Variants in OR14I1 observed in about 807,000 individuals in gnomAD.
The protein encoded by OR14I1 is olfactory receptor family 14 subfamily I member 1, also known as olfactory receptor 14I1.
For missense variants in OR14I1, 279 were observed against 181.8 expected, an observed-to-expected ratio of 1.53 and a Z score of -3.07; for synonymous variants, 118 against 71.1, an observed-to-expected ratio of 1.66 and a Z score of -3.32.
At chr1:248,698,086 A>G in the OR14I1 span, among the ~76,000 whole-genome samples, 1 of 152,184 alleles carries the variant, frequency 6.6e-6, no homozygotes, top group South Asian at 2.1e-4. Flanking sequence ...TTACCTGCTC[A>G]CTTCCTCCTG....
At chr1:248,683,845 C>G (rs1661601524), upstream of OR14I1, among the ~76,000 whole-genome samples, 1 of 152,146 alleles carries the variant, frequency 6.6e-6, no homozygotes, top group African/African-American at 2.4e-5. Context: ...ACCAGCCTGA[C>G]CAACATGCTG....
At chr1:248,700,581 T>C in the OR14I1 span, among the ~76,000 whole-genome samples, 2 of 152,222 alleles carry the variant, frequency 1.3e-5, no homozygotes, top group African/African-American at 4.8e-5. Context: ...CAACTAAATG[T>C]GATTATATTT....
chr1:248,689,224 A>C, the OR14I1 span, among the ~76,000 whole-genome samples: 1 of 152,164 alleles, frequency 6.6e-6, no homozygotes, highest in African/African-American at 2.4e-5. Context: ...GGCCTTTGTA[A>C]CTTAAAATTA....
the OR14I1 span, among the ~76,000 whole-genome samples, chr1:248,701,672 T>C: frequency 1.2e-4 from 18 of 152,280 alleles, no homozygotes; most frequent in Admixed American, 2.0e-4. Context: ...TTGAAATTGA[T>C]ACGAAGTGAT....
At chr1:248,687,539 A>C in the OR14I1 span, among the ~76,000 whole-genome samples, 104 of 152,326 alleles carry the variant, frequency 6.8e-4, 1 homozygote, top group Non-Finnish European at 1.1e-3. Context: ...TCTGGCAGAA[A>C]TTTAGGAGAT....
downstream of OR14I1, among the ~76,000 whole-genome samples, chr1:248,680,015 T>C (rs1387161055): frequency 6.6e-6 from 1 of 152,228 alleles, no homozygotes; most frequent in Non-Finnish European, 1.5e-5. Context: ...AAAAAACACA[T>C]ATTAAGCATT....
downstream of OR14I1, among the ~76,000 whole-genome samples, chr1:248,680,954 C>G: frequency 8.4e-6 from 1 of 119,752 alleles, no homozygotes; most frequent in Non-Finnish European, 1.8e-5. Context: ...AAATCAGGTA[C>G]TAAAACTGTG....
downstream of OR14I1, among the ~76,000 whole-genome samples, chr1:248,679,610 T>C (rs1001440965): frequency 3.9e-5 from 6 of 152,176 alleles, no homozygotes; most frequent in African/African-American, 1.4e-4. Context: ...GTCCTTGACC[T>C]CAAGAACCCT....
the OR14I1 span, chr1:248,691,684 G>A: frequency 6.6e-6 from 1 of 152,488 alleles, no homozygotes; most frequent in Non-Finnish European, 1.5e-5. Flanking sequence ...GGCGGGAAGA[G>A]CGGGAAGTGA....
chr1:248,690,394 G>T, the OR14I1 span, among the ~76,000 whole-genome samples: 3,164 of 151,986 alleles, frequency 0.021, 121 homozygotes, highest in African/African-American at 0.071. Flanking sequence ...TGGTAAAGGG[G>T]ATATCACCAC....
chr1:248,681,823 A>G, exon 1 of OR14I1: 2 of 781,072 alleles, frequency 2.6e-6, no homozygotes, highest in Non-Finnish European at 4.8e-6. Flanking sequence ...CTCCCGAAAC[A>G]TGTTGCCAGT....
At chr1:248,697,844 G>A in the OR14I1 span, among the ~76,000 whole-genome samples, 1 of 152,160 alleles carries the variant, frequency 6.6e-6, no homozygotes, top group African/African-American at 2.4e-5. Context: ...TGTTGTTGTT[G>A]TTGAAATTTT....
chr1:248,691,269 C>T, the OR14I1 span, among the ~76,000 whole-genome samples: 1 of 152,170 alleles, frequency 6.6e-6, no homozygotes, highest in African/African-American at 2.4e-5. Context: ...AGGTACAGTG[C>T]TAAAGGCTGG....
At chr1:248,685,105 T>C (rs1172388751), upstream of OR14I1, among the ~76,000 whole-genome samples, 1 of 152,106 alleles carries the variant, frequency 6.6e-6, no homozygotes, top group Non-Finnish European at 1.5e-5. Context: ...TTAAATTGCT[T>C]GTAAAATTCA....
At chr1:248,691,033 G>A in the OR14I1 span, among the ~76,000 whole-genome samples, 1 of 152,110 alleles carries the variant, frequency 6.6e-6, no homozygotes, top group Admixed American at 6.5e-5. Context: ...CCTTTTTTAA[G>A]GCTGAGTAAT....
exon 1 of OR14I1, chr1:248,681,924 G>A (rs1661573585): frequency 6.4e-6 from 5 of 780,934 alleles, no homozygotes; most frequent in Non-Finnish European, 1.2e-5. Context: ...TGTATTGGAG[G>A]GGGTGGCAAA....
downstream of OR14I1, among the ~76,000 whole-genome samples, chr1:248,678,446 T>C (rs181714693): frequency 1.3e-3 from 202 of 152,304 alleles, 1 homozygote; most frequent in Non-Finnish European, 1.7e-3. Flanking sequence ...CTGAATCAAA[T>C]TGGAAGTCAA....
At chr1:248,702,518 CT>C in the OR14I1 span, among the ~76,000 whole-genome samples, 1 of 151,988 alleles carries the variant, frequency 6.6e-6, no homozygotes, top group African/African-American at 2.4e-5. Flanking sequence ...TAGAATTCTA[CT>C]TTTTTTTGCC....
Position 248,681,928 on chromosome 1 carries a change from T to C in OR14I1, c.377A>G (p.His126Arg), listed in dbSNP as rs893043611. ...CATCACGGCTCTGTATTGGAGGGGG[T>C]GGCAAATGGCAACATAGCGGTCATA... is the stretch of plus-strand genomic sequence containing the variant. The change falls in exon 1 of 1, where the codon CAC (histidine) becomes CGC (arginine). Residue 126 changes from histidine (H) to arginine (R), a missense_variant. Transcript: ENST00000342623. The C allele has an allele frequency of 3.8e-6, 3 of 780,586 alleles. No individual in the cohort carries two copies. In the African/African-American group the frequency reaches 5.1e-5, roughly 13 times the overall value. The allele number at this position is 780,586 out of a possible 1,614,324, so 48.4% of individuals were successfully genotyped here. A position where few individuals can be genotyped will look rare whatever the true frequency, so the allele number is the denominator to read the frequency against.
Sources: gnomAD v4.1 joint callset for allele counts (sites outside exome capture counted in the v4.1 genomes callset) on GRCh38, gnomAD v4.1.1 for gene constraint, MANE v1.5 for transcripts, NCBI Gene and HGNC (gene_info 2026-07-23, HGNC 2026-07-21) for gene names.